LGR5: variants seen among roughly 807,000 people sequenced by gnomAD.
The protein encoded by LGR5 is leucine-rich repeat-containing G protein-coupled receptor 5.
LGR5 carries 54 observed loss-of-function variants against 76.7 expected under a neutral mutation model. The ratio of observed to expected loss-of-function variants is 0.70; its 90% CI spans 0.57 to 0.88. The LOEUF is 0.88. Ranked by LOEUF, LGR5 falls within the 40% of genes least tolerant of loss-of-function variation. The pLI is 0.00. For synonymous variants in LGR5, 406 were observed against 421.9 expected (o/e 0.96, Z 0.46); for missense variants, 1,078 against 1,073.3 (o/e 1.00, Z -0.06).
chr12:71,507,876 T>C (rs1055902606), intron 2 of LGR5, among the ~76,000 whole-genome samples: 8 of 152,082 alleles, frequency 5.3e-5, no homozygotes, highest in African/African-American at 1.9e-4. Flanking sequence ...AAACTGCCAC[T>C]GACACTATCA....
intron 1 of LGR5, among the ~76,000 whole-genome samples, chr12:71,448,016 C>T (rs1872084150): frequency 6.6e-6 from 1 of 151,876 alleles, no homozygotes; most frequent in African/African-American, 2.4e-5. Context: ...GTGTTTCAAA[C>T]TGTTCCTCAG....
At chr12:71,552,935 C>T in intron 4 of LGR5, 138 bp from the exon 5 acceptor site, 1 of 658,580 alleles carries the variant, frequency 1.5e-6, no homozygotes, top group South Asian at 1.9e-5. Context: ...GAGGAAAATG[C>T]TCCAGATGTC....
intron 1 of LGR5, among the ~76,000 whole-genome samples, chr12:71,490,714 C>T (rs974199776): frequency 2.6e-5 from 4 of 152,100 alleles, no homozygotes; most frequent in Non-Finnish European, 5.9e-5. Context: ...AGCAATCAGT[C>T]GCTTTCTTTC....
At chr12:71,582,231 C>A (rs138257818) in intron 16 of LGR5, 1 of 459,724 alleles carries the variant, frequency 2.2e-6, no homozygotes, top group Non-Finnish European at 4.0e-6. Flanking sequence ...TTACACCCGG[C>A]GTCTTGGGTC....
intron 2 of LGR5, among the ~76,000 whole-genome samples, chr12:71,517,428 A>G (rs2137327915): frequency 6.6e-6 from 1 of 152,386 alleles, no homozygotes; most frequent in East Asian, 1.9e-4. Flanking sequence ...AATTTGTGTG[A>G]AGTGAGTTTC....
At position 71,584,663 on chromosome 12, in the gene LGR5, G is replaced by T; in HGVS notation, c.2653G>T (p.Val885Leu). 1 of 1,614,088 alleles carries T rather than the reference G, an allele frequency of 6.2e-7. No homozygotes were observed. Among genetic ancestry groups the T allele is most frequent in the Non-Finnish European group, 8.5e-7 (1 of 1,180,016 alleles). The change falls in exon 18 of 18, where the codon GTG (valine) becomes TTG (leucine). Residue 885 changes from valine (V) to leucine (L), a missense_variant. Physicochemically the swap from Val to Leu is conservative, Grantham distance 32. Coordinates refer to ENST00000266674, the MANE Select transcript of LGR5 (RefSeq NM_003667.4). ...SITYDLPPSSVPSPAYPVTES... is the reference protein window; with the variant it reads ...SITYDLPPSSLPSPAYPVTES... Reference sequence around the variant, plus strand: ...CACTTATGACCTGCCTCCCAGTTCCGTGCCATCACCAGCTTATCCAGTGAC... The same window carrying T: ...CACTTATGACCTGCCTCCCAGTTCCTTGCCATCACCAGCTTATCCAGTGAC...
At chr12:71,503,625 A>G (rs1394491828) in intron 1 of LGR5, among the ~76,000 whole-genome samples, 1 of 152,364 alleles carries the variant, frequency 6.6e-6, no homozygotes, top group Non-Finnish European at 1.5e-5. Flanking sequence ...AATAAAAGCA[A>G]TAATTCAGGT....
intron 4 of LGR5, among the ~76,000 whole-genome samples, chr12:71,537,064 C>T (rs1876628275): frequency 6.6e-6 from 1 of 152,002 alleles, no homozygotes; most frequent in African/African-American, 2.4e-5. Context: ...GTCAGGGGCC[C>T]CTTTGTCCAG....
chr12:71,539,137 A>G (rs1028536864), intron 4 of LGR5, among the ~76,000 whole-genome samples: 1 of 152,154 alleles, frequency 6.6e-6, no homozygotes. Context: ...TGTCTTACTT[A>G]AAAAAATCTT....
In LGR5 at chr12:71,583,924, T is replaced by C; in HGVS notation, c.1914T>C (p.His638=). The C allele has an allele frequency of 6.2e-7, 1 of 1,614,206 alleles. No individual in the cohort carries two copies. The highest frequency in any genetic ancestry group is 8.5e-7 in the Non-Finnish European group (1 of 1,180,030). Residue 638 remains histidine, a synonymous_variant, in exon 18 of 18, where the codon CAT becomes CAC. Coordinates refer to ENST00000266674, the MANE Select transcript of LGR5 (RefSeq NM_003667.4). The part of the protein sequence containing the change: ...GAWWENGVGC[H]VIGFLSIFAS... ...GGTGGGAGAATGGGGTTGGTTGCCATGTCATTGGTTTTTTGTCCATTTTTG... is the reference window on the plus strand; with the variant it reads ...GGTGGGAGAATGGGGTTGGTTGCCACGTCATTGGTTTTTTGTCCATTTTTG...
chr12:71,557,292 GAA>G (rs1328977426), intron 6 of LGR5, among the ~76,000 whole-genome samples: 1 of 151,982 alleles, frequency 6.6e-6, no homozygotes, highest in African/African-American at 2.4e-5. Context: ...CTCAAAAAAA[GAA>G]AAAAGAGTGA....
chr12:71,448,172 A>T (rs1180679946), intron 1 of LGR5, among the ~76,000 whole-genome samples: 5 of 152,182 alleles, frequency 3.3e-5, no homozygotes, highest in Admixed American at 6.5e-5. Context: ...CTGAGAAAAT[A>T]ACCTTAGAAT....
chr12:71,451,805 G>C (rs142300427), intron 1 of LGR5, among the ~76,000 whole-genome samples: 3 of 152,150 alleles, frequency 2.0e-5, no homozygotes, highest in Admixed American at 2.0e-4. Context: ...TGCTCCTAGA[G>C]AGACTGCCCC....
At chr12:71,546,486 G>T (rs1212259300) in intron 4 of LGR5, among the ~76,000 whole-genome samples, 1 of 151,912 alleles carries the variant, frequency 6.6e-6, no homozygotes, top group Non-Finnish European at 1.5e-5. Context: ...CCATCCAGTT[G>T]CCCAGGCCAG....
intron 1 of LGR5, among the ~76,000 whole-genome samples, chr12:71,478,666 A>G (rs142842083): frequency 1.3e-3 from 197 of 152,346 alleles, no homozygotes; most frequent in African/African-American, 4.2e-3. Context: ...CATTTTTCCA[A>G]TGCACATCAG....
At chr12:71,567,260 A>G (rs1592553466) in intron 11 of LGR5, 1 of 257,406 alleles carries the variant, frequency 3.9e-6, no homozygotes, top group East Asian at 8.6e-5. Context: ...CAACCACCCA[A>G]TATGGATGCC....
chr12:71,581,931 A>G (rs745860867), intron 16 of LGR5, among the ~76,000 whole-genome samples: 1 of 152,234 alleles, frequency 6.6e-6, no homozygotes, highest in Non-Finnish European at 1.5e-5. Context: ...AATATGTTAG[A>G]TCACAAAACT....
chr12:71,538,039 T>C (rs1409254521), intron 4 of LGR5, among the ~76,000 whole-genome samples: 3 of 152,188 alleles, frequency 2.0e-5, no homozygotes, highest in Admixed American at 2.0e-4. Flanking sequence ...CTACCCTTGA[T>C]AGGGGCTGTG....
intron 13 of LGR5, 110 bp downstream of exon 13, chr12:71,573,031 G>A: frequency 1.4e-6 from 1 of 698,820 alleles, no homozygotes; most frequent in Non-Finnish European, 2.4e-6. Flanking sequence ...GGACTTTTGT[G>A]CATATATTTG....
Sources: gnomAD v4.1 joint callset for allele counts (sites outside exome capture counted in the v4.1 genomes callset) on GRCh38, gnomAD v4.1.1 for gene constraint, MANE v1.5 for transcripts, NCBI Gene and HGNC (gene_info 2026-07-23, HGNC 2026-07-21) for gene names.